The following EFCAB13 variants were observed in gnomAD, a reference collection of about 807,000 sequenced individuals.
EFCAB13 encodes the protein EF-hand calcium binding domain 13, also known as EF-hand calcium-binding domain-containing protein 13.
EFCAB13 carries 91 observed loss-of-function variants against 110.2 expected under a neutral mutation model. The observed-to-expected ratio is 0.83, with a 90% CI of 0.70 to 0.98. EFCAB13 has a LOEUF of 0.98. Ranked by LOEUF, EFCAB13 falls within the 50% of genes least tolerant of loss-of-function variation. The probability of loss-of-function intolerance (pLI) is 0.00; values close to 1 mark genes in which losing one functional copy is unlikely to be tolerated. For missense variants in EFCAB13, 968 were observed against 1,119.4 expected (o/e 0.86, Z 1.93); for synonymous variants, 323 against 369.9 (o/e 0.87, Z 1.45).
intron 24 of EFCAB13, among the ~76,000 whole-genome samples, chr17:47,433,722 C>T (rs1034285242): frequency 1.3e-4 from 20 of 152,068 alleles, no homozygotes; most frequent in Non-Finnish European, 2.8e-4. Flanking sequence ...TTCCTTCACT[C>T]CCATTAATTA....
chr17:47,394,063 A>G lies in EFCAB13; in HGVS notation c.1765A>G (p.Met589Val), dbSNP rs199526732. 3.2e-5 allele frequency: 50 copies of G among 1,551,584 alleles called. No homozygotes were observed. The highest frequency in any genetic ancestry group is 4.1e-5 in the Non-Finnish European group (47 of 1,153,228). The change falls in exon 16 of 25, where the codon ATG becomes GTG. Residue 589 changes from methionine (M) to valine (V), a missense_variant. By Grantham distance (21) the Met-to-Val change is conservative (BLOSUM62 1). Transcript: ENST00000331493. ...KVNFKEFIDTMMSNTECFSEK... is the reference protein window; with the variant it reads ...KVNFKEFIDTVMSNTECFSEK... The stretch of plus-strand genomic sequence containing the variant: ...GAATTTTAAAGAATTCATTGATACT[A>G]TGATGAGCAACACGGAATGCTTCTC...
At chr17:47,379,713 A>C (rs2065636167) in intron 14 of EFCAB13, among the ~76,000 whole-genome samples, 2 of 152,182 alleles carry the variant, frequency 1.3e-5, no homozygotes, top group Non-Finnish European at 2.9e-5. Flanking sequence ...TGAGTTGTAG[A>C]ACTATTACCA....
At chr17:47,347,482 T>C (rs991376121) in intron 8 of EFCAB13, among the ~76,000 whole-genome samples, 3 of 152,160 alleles carry the variant, frequency 2.0e-5, no homozygotes, top group Non-Finnish European at 2.9e-5. Context: ...GCAATCATAA[T>C]ACCAAGGGCT....
At chr17:47,341,147 A>G (rs966995366) in intron 5 of EFCAB13, among the ~76,000 whole-genome samples, 2 of 152,140 alleles carry the variant, frequency 1.3e-5, no homozygotes, top group African/African-American at 4.8e-5. Context: ...ATGACCTAGT[A>G]ATAATAATTA....
At chr17:47,389,896 G>A (rs1228433375) in intron 14 of EFCAB13, among the ~76,000 whole-genome samples, 1 of 152,006 alleles carries the variant, frequency 6.6e-6, no homozygotes, top group Non-Finnish European at 1.5e-5. Context: ...TGGGAATTTT[G>A]TTCACTTAAA....
chr17:47,417,473 C>T (rs1052837490), intron 23 of EFCAB13, among the ~76,000 whole-genome samples: 1 of 152,138 alleles, frequency 6.6e-6, no homozygotes, highest in African/African-American at 2.4e-5. Context: ...TCAAAGCAGT[C>T]ATGAATAATT....
rs755655766 is a variant in EFCAB13, at chr17:47,374,589, C to T, written c.995C>T (p.Pro332Leu). 3 of 1,604,144 alleles carry T rather than the reference C, an allele frequency of 1.9e-6. No individual in the cohort carries two copies. The highest frequency in any genetic ancestry group is 1.1e-5 in the South Asian group (1 of 87,958). ...AGTTTGTCTTCCAAACTCCCTGAAC[C>T]TTCAATATCCAAAAAGTTAAATAAA... is the stretch of plus-strand genomic sequence containing the variant. ...KNSLSSKLPE[P>L]SISKKLNKKS... Residue 332 changes from proline to leucine, a missense_variant, in exon 12 of 25, where the codon CCT becomes CTT. Physicochemically the swap from Pro to Leu is moderately conservative, Grantham distance 98. Coordinates refer to ENST00000331493, the MANE Select transcript of EFCAB13 (RefSeq NM_152347.5).
intron 24 of EFCAB13, among the ~76,000 whole-genome samples, chr17:47,439,500 T>C (rs1905276087): frequency 1.3e-5 from 2 of 152,098 alleles, no homozygotes; most frequent in African/African-American, 4.8e-5. Context: ...TGGTGTAGGC[T>C]CTGAAGCTGA....
intron 15 of EFCAB13, 111 bp from the exon 16 acceptor site, chr17:47,393,914 C>G (rs563512409): frequency 1.9e-6 from 1 of 540,058 alleles, no homozygotes; most frequent in African/African-American, 2.0e-5. Context: ...TTAGTATTAC[C>G]TGATGGATAT....
intron 9 of EFCAB13, among the ~76,000 whole-genome samples, chr17:47,353,393 C>A (rs932751719): frequency 2.6e-5 from 4 of 151,984 alleles, no homozygotes; most frequent in Non-Finnish European, 1.5e-5. Flanking sequence ...CTCCCGGGTT[C>A]AAGGGATTCT....
At chr17:47,404,691 CA>C in intron 20 of EFCAB13, 58 bp downstream of exon 20, 1 of 1,356,802 alleles carries the variant, frequency 7.4e-7, no homozygotes, top group South Asian at 1.3e-5. Context: ...ATTCAAAGTT[CA>C]CCTAGTAAAA....
At chr17:47,420,974 G>C (rs575828316) in intron 23 of EFCAB13, among the ~76,000 whole-genome samples, 5 of 146,850 alleles carry the variant, frequency 3.4e-5, no homozygotes, top group African/African-American at 1.0e-4. Context: ...CAGCCGCCCC[G>C]TCCGGGAGGG....
chr17:47,377,861 G>A lies in EFCAB13; in HGVS notation c.1468G>A (p.Asp490Asn), dbSNP rs1224608236. 1 of 1,595,766 alleles carries A rather than the reference G, an allele frequency of 6.3e-7. No homozygotes were observed. The highest frequency in any genetic ancestry group is 2.3e-5 in the East Asian group (1 of 44,328). Residue 490 changes from aspartate (D) to asparagine (N), a missense_variant, in exon 13 of 25, where the codon GAT (aspartate) becomes AAT (asparagine). Coordinates refer to ENST00000331493, the MANE Select transcript of EFCAB13 (RefSeq NM_152347.5). ...ILPSTGINLL[D>N]EEFQKIVTDT... ...GCCTTCAACAGGAATTAATTTATTA[G>A]ATGAAGAATTCCAGAAGATTGTGAC...
chr17:47,361,952 G>A (rs1385893388), intron 10 of EFCAB13, among the ~76,000 whole-genome samples: 2 of 152,006 alleles, frequency 1.3e-5, no homozygotes, highest in East Asian at 3.9e-4. Flanking sequence ...AATGTGGATT[G>A]CTTTAAACAT....
chr17:47,434,670 A>G (rs957313029), intron 24 of EFCAB13, among the ~76,000 whole-genome samples: 6 of 152,244 alleles, frequency 3.9e-5, no homozygotes, highest in Admixed American at 2.6e-4. Flanking sequence ...TTATCAAAAC[A>G]GCATGGTACT....
At chr17:47,380,956 C>T (rs1409534433) in intron 14 of EFCAB13, among the ~76,000 whole-genome samples, 3 of 148,410 alleles carry the variant, frequency 2.0e-5, no homozygotes, top group African/African-American at 7.5e-5. Context: ...GGTCTTGGCT[C>T]ACTGCAACCT....
intron 3 of EFCAB13, chr17:47,327,938 T>C (rs928814619): frequency 3.7e-6 from 1 of 272,632 alleles, no homozygotes; most frequent in Non-Finnish European, 6.8e-6. Context: ...CAGTAAGCAT[T>C]CAGTAACATG....
chr17:47,371,901 C>T (rs1411449592), intron 11 of EFCAB13, among the ~76,000 whole-genome samples: 1 of 151,120 alleles, frequency 6.6e-6, no homozygotes, highest in Non-Finnish European at 1.5e-5. Flanking sequence ...GGTGTGAGCC[C>T]CTGTGCCCGG....
At chr17:47,394,699 A>C (rs565760754) in intron 16 of EFCAB13, among the ~76,000 whole-genome samples, 16 of 152,324 alleles carry the variant, frequency 1.1e-4, no homozygotes, top group African/African-American at 3.6e-4. Flanking sequence ...TTGTTCTTAC[A>C]TGTTAGGTAA....
Sources: gnomAD v4.1 joint callset for allele counts (sites outside exome capture counted in the v4.1 genomes callset) on GRCh38, gnomAD v4.1.1 for gene constraint, MANE v1.5 for transcripts, NCBI Gene and HGNC (gene_info 2026-07-23, HGNC 2026-07-21) for gene names.